Variants in PACS1 observed in about 807,000 individuals in gnomAD.
PACS1 encodes the protein phosphofurin acidic cluster sorting protein 1.
A neutral mutation model predicts 115.0 loss-of-function variants in PACS1; 24 were observed. The observed-to-expected ratio is 0.21, with a 90% CI of 0.15 to 0.29. The LOEUF (loss-of-function observed/expected upper bound fraction) is 0.29. Among genes scored for constraint, PACS1 ranks in the 10% least tolerant of loss-of-function variants. The pLI, the probability that PACS1 is intolerant of heterozygous loss-of-function variation, is 1.00. For missense variants in PACS1, 838 were observed against 1,251.2 expected, an observed-to-expected ratio of 0.67 and a Z score of 4.98; for synonymous variants, 453 against 504.5, an observed-to-expected ratio of 0.90 and a Z score of 1.37.
At chr11:66,200,005 C>G (rs1049172789) in intron 2 of PACS1, among the ~76,000 whole-genome samples, 2 of 144,498 alleles carry the variant, frequency 1.4e-5, no homozygotes, top group Non-Finnish European at 3.0e-5. Flanking sequence ...GGCAACTGTG[C>G]GAGACTCTGT....
In PACS1 at chr11:66,232,187, G is replaced by T; in HGVS notation, c.1642G>T (p.Val548Leu). 1.2e-6 allele frequency: 2 copies of T among 1,612,108 alleles called. No homozygotes were observed. Among genetic ancestry groups the T allele is most frequent in the Non-Finnish European group, 1.7e-6 (2 of 1,178,114 alleles). The change falls in exon 14 of 24, where the codon GTG (valine) becomes TTG (leucine). Residue 548 changes from valine to leucine, a missense_variant. By Grantham distance (32) the Val-to-Leu change is conservative. This residue lies in a region of PACS1 where 383 missense variants were observed against 537.0 expected (regional missense o/e 0.71). Transcript: ENST00000320580. ...GHSTQIPRKV[V>L]YDQLNQILVS... is the part of the protein sequence containing the mutation. ...GTTCCTGCAGATTCCAAGAAAGGTG[G>T]TGTATGACCAGCTCAATCAGATCCT...
At chr11:66,211,655 C>T (rs576169128) in intron 4 of PACS1, among the ~76,000 whole-genome samples, 10 of 152,266 alleles carry the variant, frequency 6.6e-5, no homozygotes, top group African/African-American at 1.9e-4. Flanking sequence ...GTTGCTGGCA[C>T]GATGCCCCAT....
At chr11:66,197,907 C>T (rs1854684986) in intron 2 of PACS1, among the ~76,000 whole-genome samples, 1 of 152,156 alleles carries the variant, frequency 6.6e-6, no homozygotes, top group Non-Finnish European at 1.5e-5. Context: ...TTTTCATATA[C>T]TCAACCAAAG....
chr11:66,070,817 C>T lies in PACS1; in HGVS notation c.331C>T (p.Arg111Trp). ...CCTGTACGCCACCTGGGAGGTGGAC[C>T]GGAGCTCGTCCAGCTGCGTGCCTAG... is the stretch of plus-strand genomic sequence containing the variant. ...MNLYATWEVD[R>W]SSSSCVPRLF... Residue 111 changes from arginine (R) to tryptophan (W), a missense_variant, in exon 1 of 24, where the codon CGG becomes TGG. Physicochemically the swap from Arg to Trp is moderately radical, Grantham distance 101 (BLOSUM62 -3). Transcript: ENST00000320580. The surrounding 1 kb of genome is among the most constrained non-coding windows in gnomAD (Gnocchi z 5.9). The T allele has an allele frequency of 6.7e-7, 1 of 1,497,926 alleles. No individual in the cohort carries two copies. The highest frequency in any genetic ancestry group is 8.8e-7 in the Non-Finnish European group (1 of 1,130,068). The allele number at this position is 1,497,926 out of a possible 1,614,324, so 92.8% of individuals were successfully genotyped here.
chr11:66,208,945 A>G lies in PACS1; in HGVS notation c.445-1417A>G, dbSNP rs1855008124. Among the ~76,000 whole-genome samples, 4 of 152,046 alleles carry G rather than the reference A, an allele frequency of 2.6e-5. No individual in the cohort carries two copies. The South Asian group carries it at 8.3e-4, about 31-fold the overall frequency. ...CTTTGGATGTTGTGGGGTTTTTTTT[A>G]TTGGTATTAATTTTAAAACTGATTT... On this transcript the variant is annotated intron_variant, in intron 2 of 23. Coordinates refer to ENST00000320580, the MANE Select transcript of PACS1 (RefSeq NM_018026.4).
chr11:66,183,168 C>T (rs536922414), intron 1 of PACS1, among the ~76,000 whole-genome samples: 1 of 152,132 alleles, frequency 6.6e-6, no homozygotes, highest in African/African-American at 2.4e-5. Context: ...TGCCTTAGTT[C>T]ATTGTTTCAC....
intron 1 of PACS1, among the ~76,000 whole-genome samples, chr11:66,107,735 C>T (rs1268933090): frequency 6.6e-6 from 1 of 152,150 alleles, no homozygotes; most frequent in East Asian, 1.9e-4. Context: ...TCTTTCTTAG[C>T]ATAACTGAGA....
intron 1 of PACS1, among the ~76,000 whole-genome samples, chr11:66,078,659 TCCTC>T (rs1341665853): frequency 1.3e-5 from 2 of 152,316 alleles, no homozygotes; most frequent in East Asian, 3.9e-4. Flanking sequence ...GTTCAAGTGA[TCCTC>T]CCTCCTTAGA....
chr11:66,239,033 CA>C (rs1474799927), intron 20 of PACS1, 108 bp from the exon 21 acceptor site: 13 of 1,542,332 alleles, frequency 8.4e-6, no homozygotes, highest in Non-Finnish European at 9.8e-6. Flanking sequence ...AGCCTGGGGC[CA>C]AAGGAGGAAA....
chr11:66,167,586 A>G (rs542145965), intron 1 of PACS1, among the ~76,000 whole-genome samples: 1 of 149,982 alleles, frequency 6.7e-6, no homozygotes, highest in Non-Finnish European at 1.5e-5. Context: ...CATTGTTTTC[A>G]ATGTCTTATT....
intron 2 of PACS1, among the ~76,000 whole-genome samples, chr11:66,209,722 G>T (rs1039744729): frequency 1.5e-4 from 23 of 152,032 alleles, no homozygotes; most frequent in African/African-American, 5.6e-4. Flanking sequence ...CCAGCACATG[G>T]TGAAACCCTG....
intron 8 of PACS1, 27 bp from the exon 9 acceptor site, chr11:66,220,604 A>G: frequency 6.2e-7 from 1 of 1,613,868 alleles, no homozygotes; most frequent in African/African-American, 1.3e-5. Flanking sequence ...GATGACCCTA[A>G]ATTCAGAGAC....
chr11:66,076,541 C>T lies in PACS1; in HGVS notation c.356+5699C>T, dbSNP rs529410286. Among the ~76,000 whole-genome samples the T allele has an allele frequency of 9.9e-5, 15 of 152,282 alleles. No homozygotes were observed. The South Asian group carries it at 2.7e-3, about 27-fold the overall frequency. On this transcript the variant is annotated intron_variant, in intron 1 of 23. Transcript: ENST00000320580. ...CCAGGTAGCTGGGACTATAGGCGCA[C>T]GCCACCACACCCAGCACATTTTTGT...
At chr11:66,134,065 G>A (rs1386452843) in intron 1 of PACS1, among the ~76,000 whole-genome samples, 4 of 151,652 alleles carry the variant, frequency 2.6e-5, no homozygotes, top group Non-Finnish European at 4.4e-5. Flanking sequence ...TATTCCTGAG[G>A]CATTGATCAC....
chr11:66,108,656 T>C (rs1003774278), intron 1 of PACS1, among the ~76,000 whole-genome samples: 4 of 152,086 alleles, frequency 2.6e-5, no homozygotes, highest in Non-Finnish European at 5.9e-5. Context: ...TCCAAGCTAC[T>C]TGGGAGGCTG....
At chr11:66,105,321 G>A (rs189846262) in intron 1 of PACS1, among the ~76,000 whole-genome samples, 1 of 152,290 alleles carries the variant, frequency 6.6e-6, no homozygotes, top group East Asian at 1.9e-4. Context: ...TACTCCAGAG[G>A]CTGAGGAGGG....
At chr11:66,140,562 G>A (rs954223875) in intron 1 of PACS1, among the ~76,000 whole-genome samples, 3 of 152,020 alleles carry the variant, frequency 2.0e-5, no homozygotes, top group Admixed American at 2.0e-4. Flanking sequence ...TTAAATGTGT[G>A]AATAGGCAAT....
chr11:66,144,127 C>T (rs141145840), intron 1 of PACS1, among the ~76,000 whole-genome samples: 1 of 152,140 alleles, frequency 6.6e-6, no homozygotes, highest in Non-Finnish European at 1.5e-5. Flanking sequence ...GTCAGAAGTT[C>T]TTGAACCTTG....
At position 66,193,532 on chromosome 11, in the gene PACS1, G is replaced by A; in HGVS notation, c.403G>A (p.Asp135Asn). 6.2e-7 allele frequency: 1 copy of A among 1,613,910 alleles called. No individual in the cohort carries two copies. Among genetic ancestry groups the A allele is most frequent in the Non-Finnish European group, 8.5e-7 (1 of 1,179,838 alleles). The change falls in exon 2 of 24, where the codon GAC becomes AAC. Residue 135 changes from aspartate to asparagine, a missense_variant. Transcript: ENST00000320580. ...LKKLVMLKEMDKDLNSVVIAV... is the reference protein window; with the variant it reads ...LKKLVMLKEMNKDLNSVVIAV... ...GAAACTCGTCATGCTAAAAGAAATG[G>A]ACAAAGATCTTAACTCAGTGGTCAT...
Sources: gnomAD v4.1 joint callset for allele counts (sites outside exome capture counted in the v4.1 genomes callset) on GRCh38, gnomAD v4.1.1 for gene constraint, gnomAD v4.1.1 regional missense constraint, Gnocchi (gnomAD v3.1) non-coding constraint, MANE v1.5 for transcripts, NCBI Gene and HGNC (gene_info 2026-07-23, HGNC 2026-07-21) for gene names.